TENM4: variants seen among roughly 807,000 people sequenced by gnomAD.
TENM4 encodes teneurin-4.
A neutral mutation model predicts 243.3 loss-of-function variants in TENM4; 82 were observed. The observed-to-expected ratio is 0.34, with a 90% CI of 0.28 to 0.40. The LOEUF (loss-of-function observed/expected upper bound fraction) is 0.40, where lower values mean the gene tolerates loss of function less well. Among genes scored for constraint, TENM4 ranks in the 10% least tolerant of loss-of-function variants. TENM4 has a pLI of 1.00. For synonymous variants in TENM4, 1,412 were observed against 1,456.3 expected (o/e 0.97, Z 0.69); for missense variants, 3,138 against 3,673.3 (o/e 0.85, Z 3.77).
chr11:78,673,046 C>T (rs892935783), intron 30 of TENM4, among the ~76,000 whole-genome samples: 4 of 151,646 alleles, frequency 2.6e-5, no homozygotes, highest in African/African-American at 7.3e-5. Context: ...GCCTGTGGGC[C>T]GAATGGGGAC....
chr11:79,357,592 A>T (rs1243367630), intron 1 of TENM4, among the ~76,000 whole-genome samples: 2 of 152,212 alleles, frequency 1.3e-5, no homozygotes, highest in African/African-American at 4.8e-5. Flanking sequence ...CCTGATCATA[A>T]CCCATTGACT....
At chr11:79,411,127 G>A (rs1024851942) in intron 1 of TENM4, among the ~76,000 whole-genome samples, 1 of 152,210 alleles carries the variant, frequency 6.6e-6, no homozygotes, top group African/African-American at 2.4e-5. Context: ...GGCTCAGAGA[G>A]GGTAAGTTTA....
At chr11:78,760,414 TCA>T (rs1188487272) in intron 18 of TENM4, among the ~76,000 whole-genome samples, 2 of 152,148 alleles carry the variant, frequency 1.3e-5, no homozygotes, top group Non-Finnish European at 2.9e-5. Flanking sequence ...TCTCTAAACC[TCA>T]GTTTCTTCAT....
chr11:79,029,892 CAT>C (rs1859181515), intron 6 of TENM4, among the ~76,000 whole-genome samples: 1 of 152,100 alleles, frequency 6.6e-6, no homozygotes, highest in Non-Finnish European at 1.5e-5. Flanking sequence ...GGGGAGAAAT[CAT>C]ATCACCTGAC....
chr11:79,057,337 A>C (rs1475391148), intron 6 of TENM4, among the ~76,000 whole-genome samples: 1 of 150,334 alleles, frequency 6.7e-6, no homozygotes, highest in Non-Finnish European at 1.5e-5. Context: ...TGCTTTTCAA[A>C]CTAGCCACAC....
intron 6 of TENM4, among the ~76,000 whole-genome samples, chr11:78,965,231 A>G (rs1407883186): frequency 6.6e-6 from 1 of 152,088 alleles, no homozygotes; most frequent in East Asian, 1.9e-4. Flanking sequence ...AGGACTAAAG[A>G]TAATGTATGT....
chr11:79,161,940 C>A (rs1480267694), intron 3 of TENM4, among the ~76,000 whole-genome samples: 1 of 152,170 alleles, frequency 6.6e-6, no homozygotes, highest in South Asian at 2.1e-4. Flanking sequence ...TATCATTACC[C>A]CCAGTTACAA....
chr11:78,656,885 A>T lies in TENM4; in HGVS notation c.*1173T>A. ...GATGGGACTTTGGGAACTGGTTAGA[A>T]GGATGCTTAGCTTATGCCTTCCTCT... is the stretch of plus-strand genomic sequence containing the variant. On this transcript the variant is annotated 3_prime_UTR_variant, in exon 34 of 34. Transcript: ENST00000278550. 2 of 397,208 alleles carry T rather than the reference A, an allele frequency of 5.0e-6. No individual in the cohort carries two copies. Among genetic ancestry groups the T allele is most frequent in the Non-Finnish European group, 8.9e-6 (2 of 225,694 alleles). 24.6% of individuals were successfully genotyped at this position (397,208 alleles called of 1,614,324 possible). A position where few individuals can be genotyped will look rare whatever the true frequency, so the allele number is the denominator to read the frequency against.
At position 78,722,776 on chromosome 11, in the gene TENM4, G is replaced by T. The variant is rs1436139001; in HGVS notation, c.3692C>A (p.Ala1231Asp). 1 of 1,614,064 alleles carries T rather than the reference G, an allele frequency of 6.2e-7. No homozygotes were observed. The highest frequency in any genetic ancestry group is 1.1e-5 in the South Asian group (1 of 91,092). Residue 1231 changes from alanine to aspartate, a missense_variant, in exon 24 of 34, where the codon GCC (alanine) becomes GAC (aspartate). Transcript: ENST00000278550. ...AGAGCCACAGGTGAGGGCCACTGGG[G>T]CCAGGAGCTTGTTGCCGTCAGCAAG... ...NGLADGNKLL[A>D]PVALTCGSDG...
chr11:79,384,875 G>A (rs964854557), intron 1 of TENM4, among the ~76,000 whole-genome samples: 1 of 148,902 alleles, frequency 6.7e-6, no homozygotes, highest in African/African-American at 2.5e-5. Flanking sequence ...GCAGTGAGCC[G>A]AGATGGCACC....
chr11:79,325,311 G>T (rs1473568687), intron 1 of TENM4, among the ~76,000 whole-genome samples: 2 of 152,186 alleles, frequency 1.3e-5, no homozygotes, highest in Admixed American at 1.3e-4. Context: ...ATCCTGTCAA[G>T]TGCACTATAA....
At chr11:79,416,379 T>C (rs1251358215) in intron 1 of TENM4, among the ~76,000 whole-genome samples, 2 of 152,166 alleles carry the variant, frequency 1.3e-5, no homozygotes. Flanking sequence ...CACCAACACG[T>C]GTATGGTCAG....
intron 10 of TENM4, among the ~76,000 whole-genome samples, chr11:78,862,048 G>T (rs1000200240): frequency 6.6e-6 from 1 of 152,302 alleles, no homozygotes; most frequent in East Asian, 1.9e-4. Flanking sequence ...TGGGCCTATG[G>T]ATATCCCACT....
chr11:79,030,042 GA>G (rs1161175794), intron 6 of TENM4, among the ~76,000 whole-genome samples: 1 of 152,122 alleles, frequency 6.6e-6, no homozygotes, highest in Non-Finnish European at 1.5e-5. Context: ...AGTTCAATGG[GA>G]GGCAATCGGA....
chr11:79,244,803 A>G (rs575827652), intron 2 of TENM4, among the ~76,000 whole-genome samples: 51 of 152,288 alleles, frequency 3.3e-4, no homozygotes, highest in African/African-American at 1.2e-3. Context: ...AAGGTGGGGA[A>G]AAGACTCAGG....
chr11:79,217,671 G>A (rs1218886815), intron 2 of TENM4, among the ~76,000 whole-genome samples: 2 of 152,072 alleles, frequency 1.3e-5, no homozygotes, highest in Non-Finnish European at 2.9e-5. Context: ...CAAGTACAGA[G>A]TATCCTGTTG....
chr11:78,810,674 A>G (rs964333706), intron 14 of TENM4, among the ~76,000 whole-genome samples: 2 of 152,230 alleles, frequency 1.3e-5, no homozygotes, highest in African/African-American at 2.4e-5. Context: ...TGGGGTTTAT[A>G]TACAGCTTGT....
rs550133366 is a variant in TENM4 at position 79,266,933 on chromosome 11, G to A, written c.-265+30555C>T. On this transcript the variant is annotated intron_variant, in intron 2 of 33. Transcript: ENST00000278550. ...ATATAAATTATGAGATACAAAACACGTTGGGATAAAGGTTACCACATTCAC... is the reference window on the plus strand; with the variant it reads ...ATATAAATTATGAGATACAAAACACATTGGGATAAAGGTTACCACATTCAC... Among the ~76,000 whole-genome samples, 45 of 152,234 alleles carry A rather than the reference G, an allele frequency of 3.0e-4. 1 individual carries two copies. The South Asian group carries it at 9.0e-3, about 30-fold the overall frequency.
At chr11:79,342,328 G>A (rs1453504229) in intron 1 of TENM4, among the ~76,000 whole-genome samples, 1 of 152,200 alleles carries the variant, frequency 6.6e-6, no homozygotes, top group Non-Finnish European at 1.5e-5. Flanking sequence ...CTTCGCAATA[G>A]CGCACATGGG....
Sources: gnomAD v4.1 joint callset for allele counts (sites outside exome capture counted in the v4.1 genomes callset) on GRCh38, gnomAD v4.1.1 for gene constraint, MANE v1.5 for transcripts, NCBI Gene and HGNC (gene_info 2026-07-23, HGNC 2026-07-21) for gene names.